The following IGFL2 variants were observed in gnomAD, a reference collection of about 807,000 sequenced individuals.
IGFL2 encodes the protein IGF like family member 2, also known as insulin growth factor-like family member 2.
IGFL2 carries 7 observed loss-of-function variants against 13.9 expected under a neutral mutation model. The ratio of observed to expected loss-of-function variants is 0.51; its 90% CI spans 0.29 to 0.95. IGFL2 has a LOEUF of 0.95. Ranked by LOEUF, IGFL2 falls within the 40% of genes least tolerant of loss-of-function variation. The pLI, the probability that IGFL2 is intolerant of heterozygous loss-of-function variation, is 0.08. For missense variants in IGFL2, 138 were observed against 147.8 expected, an observed-to-expected ratio of 0.93 and a Z score of 0.34; for synonymous variants, 55 against 55.8, an observed-to-expected ratio of 0.99 and a Z score of 0.07.
the IGFL2 span, among the ~76,000 whole-genome samples, chr19:46,184,245 T>A: frequency 6.7e-6 from 1 of 148,332 alleles, no homozygotes; most frequent in African/African-American, 2.5e-5. Context: ...TTTCTTTCAA[T>A]GTCACTGCTT....
the IGFL2 span, among the ~76,000 whole-genome samples, chr19:46,167,354 T>C: frequency 2.0e-5 from 3 of 152,188 alleles, no homozygotes; most frequent in Admixed American, 2.0e-4. Context: ...CCTTGCTGCA[T>C]GATACTGGGC....
At chr19:46,091,881 A>G in the IGFL2 span, among the ~76,000 whole-genome samples, 2 of 152,248 alleles carry the variant, frequency 1.3e-5, no homozygotes, top group Non-Finnish European at 2.9e-5. Context: ...AAATTTTTAT[A>G]TAAAAATAAA....
chr19:46,107,405 A>G, the IGFL2 span, among the ~76,000 whole-genome samples: 2 of 152,146 alleles, frequency 1.3e-5, no homozygotes, highest in Non-Finnish European at 2.9e-5. Flanking sequence ...GGCGAATTGG[A>G]CAGTCTGATT....
At chr19:46,155,764 A>G (rs961048367) in intron 1 of IGFL2, among the ~76,000 whole-genome samples, 23 of 152,316 alleles carry the variant, frequency 1.5e-4, no homozygotes, top group Middle Eastern at 3.4e-3. Flanking sequence ...GGTGAGTTGT[A>G]GTGGTACAAT....
the IGFL2 span, among the ~76,000 whole-genome samples, chr19:46,167,565 C>G: frequency 1.3e-5 from 2 of 152,186 alleles, no homozygotes; most frequent in African/African-American, 2.4e-5. Flanking sequence ...ATGGCATCCC[C>G]TTCCGATATG....
chr19:46,093,645 C>T, the IGFL2 span, among the ~76,000 whole-genome samples: 4 of 152,070 alleles, frequency 2.6e-5, no homozygotes, highest in Admixed American at 2.0e-4. Context: ...CCCAAGGAGT[C>T]TATAAAGAAT....
chr19:46,105,457 G>A, the IGFL2 span, among the ~76,000 whole-genome samples: 326 of 152,280 alleles, frequency 2.1e-3, 1 homozygote, highest in African/African-American at 7.4e-3. Flanking sequence ...TGTGATCAGG[G>A]TGAGGAACAG....
rs183649702 is a variant in IGFL2, at chr19:46,160,558, A to T, written c.74-56A>T. The T allele has an allele frequency of 3.7e-5, 59 of 1,612,860 alleles. No homozygotes were observed. The Admixed American group carries it at 7.5e-4, about 20-fold the overall frequency. ...TTCACAGAGGGCTCCTGATTGGGGG[A>T]TGTAGTGCCTGGTTATCCTTGAGCT... On this transcript the variant is annotated intron_variant, in intron 2 of 3. Coordinates refer to ENST00000377693, the MANE Select transcript of IGFL2 (RefSeq NM_001135113.2).
At chr19:46,084,589 C>G in the IGFL2 span, among the ~76,000 whole-genome samples, 1 of 152,224 alleles carries the variant, frequency 6.6e-6, no homozygotes. Flanking sequence ...GTGCCAACAT[C>G]TGCTTCTGAG....
intron 1 of IGFL2, among the ~76,000 whole-genome samples, chr19:46,152,266 G>GTT (rs55934631): frequency 6.7e-5 from 9 of 133,998 alleles, no homozygotes; most frequent in Admixed American, 1.5e-4. Context: ...GCTTCCTTAG[G>GTT]TTTTTTTTTT....
chr19:46,148,163 C>A, upstream of IGFL2: 1 of 835,726 alleles, frequency 1.2e-6, no homozygotes, highest in Non-Finnish European at 1.9e-6. Context: ...TTCCAAGAGG[C>A]CAGTGCTTCT....
the IGFL2 span, among the ~76,000 whole-genome samples, chr19:46,098,099 G>T: frequency 6.6e-6 from 1 of 152,122 alleles, no homozygotes; most frequent in East Asian, 1.9e-4. Context: ...ATTGACAGTG[G>T]GTGTTAAAGT....
At chr19:46,103,565 A>G in the IGFL2 span, among the ~76,000 whole-genome samples, 1 of 152,036 alleles carries the variant, frequency 6.6e-6, no homozygotes, top group African/African-American at 2.4e-5. Context: ...TAGTACTAGG[A>G]GATATCCGCT....
At chr19:46,165,358 C>G (rs1034033258), downstream of IGFL2, among the ~76,000 whole-genome samples, 3 of 152,236 alleles carry the variant, frequency 2.0e-5, no homozygotes, top group African/African-American at 4.8e-5. Context: ...TCATGCCTTA[C>G]AGCAAAGGGA....
At chr19:46,116,515 AT>A in the IGFL2 span, among the ~76,000 whole-genome samples, 1 of 152,294 alleles carries the variant, frequency 6.6e-6, no homozygotes, top group South Asian at 2.1e-4. Flanking sequence ...AGTTAAAGCA[AT>A]TTTTGATTAG....
chr19:46,165,926 C>T (rs769120309), downstream of IGFL2, among the ~76,000 whole-genome samples: 5 of 152,176 alleles, frequency 3.3e-5, no homozygotes, highest in South Asian at 2.1e-4. Context: ...GGTAGCTGGC[C>T]GCCCCCTTTG....
chr19:46,206,507 A>G, the IGFL2 span, among the ~76,000 whole-genome samples: 1 of 152,190 alleles, frequency 6.6e-6, no homozygotes, highest in African/African-American at 2.4e-5. Flanking sequence ...GGGGAGCAAC[A>G]TGCCCGGACA....
the IGFL2 span, among the ~76,000 whole-genome samples, chr19:46,179,996 T>G: frequency 6.6e-6 from 1 of 152,184 alleles, no homozygotes; most frequent in South Asian, 2.1e-4. Context: ...TTTTCCCTCT[T>G]GTTGGTAACA....
chr19:46,176,015 T>G, the IGFL2 span, among the ~76,000 whole-genome samples: 114 of 128,028 alleles, frequency 8.9e-4, 3 homozygotes, highest in Middle Eastern at 0.019. Flanking sequence ...ACTAATTTTT[T>G]TTTTTTTTTT....
Sources: gnomAD v4.1 joint callset for allele counts (sites outside exome capture counted in the v4.1 genomes callset) on GRCh38, gnomAD v4.1.1 for gene constraint, MANE v1.5 for transcripts, NCBI Gene and HGNC (gene_info 2026-07-23, HGNC 2026-07-21) for gene names.